MAPK4: variants seen among roughly 807,000 people sequenced by gnomAD.
MAPK4 encodes Erk3-related.
MAPK4 carries 22 observed loss-of-function variants against 47.7 expected under a neutral mutation model. That is an observed-to-expected ratio of 0.46 (90% CI 0.33 to 0.66). The LOEUF (loss-of-function observed/expected upper bound fraction) is 0.66, where lower values mean the gene tolerates loss of function less well. MAPK4 is among the 30% of genes least tolerant of loss of function. The pLI, the probability that MAPK4 is intolerant of heterozygous loss-of-function variation, is 0.02. For missense variants in MAPK4, 736 were observed against 831.7 expected, an observed-to-expected ratio of 0.88 and a Z score of 1.42; for synonymous variants, 390 against 365.7, an observed-to-expected ratio of 1.07 and a Z score of -0.76.
chr18:50,594,324 T>C (rs1598806473), intron 1 of MAPK4, among the ~76,000 whole-genome samples: 1 of 152,112 alleles, frequency 6.6e-6, no homozygotes, highest in Non-Finnish European at 1.5e-5. Flanking sequence ...AACAATACTT[T>C]ACCAACTCTA....
chr18:50,700,116 C>G (rs903001855), intron 2 of MAPK4, among the ~76,000 whole-genome samples: 1 of 152,128 alleles, frequency 6.6e-6, no homozygotes, highest in African/African-American at 2.4e-5. Context: ...GGGCTGATAC[C>G]ACGTGGCTCA....
chr18:50,646,853 G>GA (rs2144196521), intron 1 of MAPK4, among the ~76,000 whole-genome samples: 1 of 152,238 alleles, frequency 6.6e-6, no homozygotes, highest in East Asian at 1.9e-4. Context: ...CCACCTCCTG[G>GA]ATAGCCTCTA....
At chr18:50,695,970 T>G (rs148095143) in intron 2 of MAPK4, among the ~76,000 whole-genome samples, 1 of 152,074 alleles carries the variant, frequency 6.6e-6, no homozygotes. Flanking sequence ...CACCAGCAAA[T>G]AAGTTGCTGA....
intron 2 of MAPK4, among the ~76,000 whole-genome samples, chr18:50,706,555 C>A (rs772207515): frequency 1.3e-5 from 2 of 151,972 alleles, no homozygotes; most frequent in Non-Finnish European, 2.9e-5. Flanking sequence ...TGAAAGCCAG[C>A]GTGACAGATG....
chr18:50,656,818 A>G (rs2043115020), intron 1 of MAPK4, among the ~76,000 whole-genome samples: 1 of 152,206 alleles, frequency 6.6e-6, no homozygotes. Context: ...GTCAGAAGCC[A>G]TGTGTCCTAC....
At chr18:50,669,099 C>T (rs1314664912) in intron 2 of MAPK4, 1 of 152,288 alleles carries the variant, frequency 6.6e-6, no homozygotes, top group Admixed American at 6.5e-5. Context: ...ACGGACCCCA[C>T]TCCTGACCCA....
At chr18:50,590,360 C>T (rs890099298) in intron 1 of MAPK4, among the ~76,000 whole-genome samples, 9 of 152,284 alleles carry the variant, frequency 5.9e-5, no homozygotes, top group Non-Finnish European at 1.2e-4. Flanking sequence ...TACCCAACCC[C>T]GATAGTGACT....
Position 50,619,164 on chromosome 18 carries a change from G to T in MAPK4, c.-870-43925G>T, listed in dbSNP as rs557572006. Reference sequence around the variant, plus strand: ...GCCAACCAGAGATTCCAGGCTAAAGGTATAGGAAGTCCTGATATTATATAC... The same window carrying T: ...GCCAACCAGAGATTCCAGGCTAAAGTTATAGGAAGTCCTGATATTATATAC... On this transcript the variant is annotated intron_variant, in intron 1 of 5. Transcript: ENST00000400384. Among the ~76,000 whole-genome samples, 12 of 152,284 alleles carry T rather than the reference G, an allele frequency of 7.9e-5. No homozygotes were observed. The South Asian group carries it at 8.3e-4, about 11-fold the overall frequency.
intron 2 of MAPK4, among the ~76,000 whole-genome samples, chr18:50,708,189 G>A (rs961278942): frequency 1.3e-5 from 2 of 152,154 alleles, no homozygotes; most frequent in Admixed American, 1.3e-4. Flanking sequence ...TTTAAAAAAG[G>A]TTTCTCACGT....
intron 2 of MAPK4, among the ~76,000 whole-genome samples, chr18:50,713,606 G>T (rs1188704214): frequency 6.6e-6 from 1 of 152,260 alleles, no homozygotes; most frequent in Non-Finnish European, 1.5e-5. Context: ...CATGAGGGGC[G>T]CACAGTCTAG....
chr18:50,610,527 C>A (rs1425677308), intron 1 of MAPK4, among the ~76,000 whole-genome samples: 1 of 152,244 alleles, frequency 6.6e-6, no homozygotes, highest in Non-Finnish European at 1.5e-5. Context: ...TCCTGCCTTG[C>A]AGCCTCCCTC....
At chr18:50,692,732 A>G (rs1212113480) in intron 2 of MAPK4, among the ~76,000 whole-genome samples, 1 of 152,188 alleles carries the variant, frequency 6.6e-6, no homozygotes, top group Admixed American at 6.5e-5. Context: ...AAAGCAGGCT[A>G]GAAGCTGGGG....
chr18:50,652,454 A>C (rs1464105922), intron 1 of MAPK4, among the ~76,000 whole-genome samples: 1 of 152,144 alleles, frequency 6.6e-6, no homozygotes. Context: ...GGGTGGAAGG[A>C]AGTCAAGAAC....
Position 50,715,152 on chromosome 18 carries a change from C to A in MAPK4, c.620C>A (p.Thr207Asn). The change falls in exon 3 of 6, where the codon ACC becomes AAC. Residue 207 changes from threonine (T) to asparagine (N), a missense_variant. Around this residue, in one of 3 missense-constraint regions of MAPK4, gnomAD observed 327 missense variants for 395.4 expected, o/e 0.83. Coordinates refer to ENST00000400384, the MANE Select transcript of MAPK4 (RefSeq NM_002747.4). ...CTGCTCCTTTCCCCCAATAACTACA[C>A]CAAAGCCATCGACATGTGGGCCGCC... ...PRLLLSPNNY[T>N]KAIDMWAAGC... 6.2e-7 allele frequency: 1 copy of A among 1,614,186 alleles called. No homozygotes were observed. The highest frequency in any genetic ancestry group is 1.1e-5 in the South Asian group (1 of 91,086).
intron 1 of MAPK4, among the ~76,000 whole-genome samples, chr18:50,573,775 A>T (rs953366621): frequency 8.5e-5 from 13 of 152,242 alleles, no homozygotes; most frequent in Non-Finnish European, 4.4e-5. Flanking sequence ...CTATAGGAAC[A>T]TATGGTCAAT....
At chr18:50,649,796 T>C (rs1241685491) in intron 1 of MAPK4, among the ~76,000 whole-genome samples, 1 of 152,160 alleles carries the variant, frequency 6.6e-6, no homozygotes, top group Non-Finnish European at 1.5e-5. Flanking sequence ...ATTGACTTCC[T>C]CTTGTTCCCA....
chr18:50,713,890 C>T (rs1358260172), intron 2 of MAPK4, among the ~76,000 whole-genome samples: 2 of 152,178 alleles, frequency 1.3e-5, no homozygotes. Context: ...TTCCTCCTTC[C>T]TTCTACCAGT....
intron 2 of MAPK4, among the ~76,000 whole-genome samples, chr18:50,700,187 A>G (rs1435438709): frequency 6.6e-6 from 1 of 152,218 alleles, no homozygotes; most frequent in Non-Finnish European, 1.5e-5. Context: ...ACCAACCATG[A>G]GTTGCCTCAT....
intron 2 of MAPK4, among the ~76,000 whole-genome samples, chr18:50,682,842 A>G (rs1191135099): frequency 6.6e-6 from 1 of 152,246 alleles, no homozygotes; most frequent in African/African-American, 2.4e-5. Flanking sequence ...AATGTCCATC[A>G]ACATTCAAAT....
Sources: gnomAD v4.1 joint callset for allele counts (sites outside exome capture counted in the v4.1 genomes callset) on GRCh38, gnomAD v4.1.1 for gene constraint, gnomAD v4.1.1 regional missense constraint, MANE v1.5 for transcripts, NCBI Gene and HGNC (gene_info 2026-07-23, HGNC 2026-07-21) for gene names.